The following ARHGAP24 variants were observed in gnomAD, a reference collection of about 807,000 sequenced individuals.
ARHGAP24 encodes the protein Rho GTPase activating protein 24, also known as rho GTPase-activating protein 24.
ARHGAP24 carries 50 observed loss-of-function variants against 76.4 expected under a neutral mutation model. The ratio of observed to expected loss-of-function variants is 0.65; its 90% confidence interval spans 0.52 to 0.83. The LOEUF (loss-of-function observed/expected upper bound fraction) is 0.83. ARHGAP24 is among the 40% of genes least tolerant of loss of function. ARHGAP24 has a pLI of 0.00. For synonymous variants in ARHGAP24, 345 were observed against 323.3 expected (o/e 1.07, Z -0.72); for missense variants, 930 against 914.2 (o/e 1.02, Z -0.22).
intron 2 of ARHGAP24, among the ~76,000 whole-genome samples, chr4:85,603,633 A>G (rs987135731): frequency 1.3e-5 from 2 of 152,246 alleles, no homozygotes; most frequent in African/African-American, 4.8e-5. Flanking sequence ...CAGTAGTACA[A>G]TGTGGGTGAC....
At chr4:85,910,930 T>C (rs1006672191) in intron 3 of ARHGAP24, among the ~76,000 whole-genome samples, 4 of 152,112 alleles carry the variant, frequency 2.6e-5, no homozygotes, top group African/African-American at 9.7e-5. Flanking sequence ...GGAATCTGTC[T>C]GCCTCCCACT....
chr4:85,548,982 T>G (rs538025726), intron 1 of ARHGAP24, among the ~76,000 whole-genome samples: 135 of 152,250 alleles, frequency 8.9e-4, no homozygotes, highest in African/African-American at 3.1e-3. Context: ...CATGTTGTTA[T>G]ATGTATATCT....
intron 2 of ARHGAP24, among the ~76,000 whole-genome samples, chr4:85,694,632 G>T (rs2110020620): frequency 6.6e-6 from 1 of 152,188 alleles, no homozygotes; most frequent in Middle Eastern, 3.4e-3. Context: ...TGAAGACACT[G>T]TCCCTGACTT....
intron 2 of ARHGAP24, among the ~76,000 whole-genome samples, chr4:85,687,434 G>A (rs372780435): frequency 8.1e-4 from 123 of 152,106 alleles, no homozygotes; most frequent in Middle Eastern, 6.8e-3. Flanking sequence ...CTCTCTCCCC[G>A]CTTTAGTAGT....
intron 1 of ARHGAP24, among the ~76,000 whole-genome samples, chr4:85,539,143 C>T (rs774230911): frequency 1.4e-4 from 21 of 152,168 alleles, no homozygotes; most frequent in African/African-American, 4.1e-4. Context: ...TGAACCAAAA[C>T]GATTTGGTTT....
chr4:85,931,047 G>A (rs1736303147), intron 4 of ARHGAP24: 1 of 1,606,958 alleles, frequency 6.2e-7, no homozygotes, highest in Non-Finnish European at 8.5e-7. Context: ...GGAAAGGTAG[G>A]TAGATAATAT....
intron 2 of ARHGAP24, among the ~76,000 whole-genome samples, chr4:85,580,252 C>T (rs1470513955): frequency 6.6e-6 from 1 of 151,968 alleles, no homozygotes; most frequent in Non-Finnish European, 1.5e-5. Flanking sequence ...CTGGTGAGAA[C>T]AGGTGAGCAA....
intron 5 of ARHGAP24, among the ~76,000 whole-genome samples, chr4:85,948,088 T>G (rs1474303328): frequency 3.9e-5 from 6 of 152,184 alleles, no homozygotes; most frequent in African/African-American, 1.4e-4. Flanking sequence ...ACATCTCTTA[T>G]TCTATACTTA....
At chr4:85,794,857 A>C (rs1728280859) in intron 3 of ARHGAP24, among the ~76,000 whole-genome samples, 1 of 152,198 alleles carries the variant, frequency 6.6e-6, no homozygotes, top group Non-Finnish European at 1.5e-5. Context: ...AATGAGTAAC[A>C]CTGAGCCTGC....
Position 85,702,257 on chromosome 4 carries a change from C to T in ARHGAP24, c.181-19628C>T, listed in dbSNP as rs116557050. Among the ~76,000 whole-genome samples, 280 of 152,146 alleles carry T rather than the reference C, an allele frequency of 1.8e-3. 3 individuals are homozygous for T. Among genetic ancestry groups the T allele is most frequent in the Middle Eastern group, 6.8e-3 (2 of 294 alleles). ...ACATTCTGTTATGTTTTGGTGAAAA[C>T]GCAGAACAAAATACAGAAGCCAAAC... is the stretch of plus-strand genomic sequence containing the variant. On this transcript the variant is annotated intron_variant, in intron 2 of 9. Transcript: ENST00000395184.
chr4:85,794,945 C>T (rs1301403917), intron 3 of ARHGAP24, among the ~76,000 whole-genome samples: 1 of 152,248 alleles, frequency 6.6e-6, no homozygotes, highest in African/African-American at 2.4e-5. Context: ...AAGGTCCACC[C>T]TCTTGTACCT....
chr4:85,522,205 C>T (rs561524071), intron 1 of ARHGAP24, among the ~76,000 whole-genome samples: 2 of 151,896 alleles, frequency 1.3e-5, no homozygotes, highest in East Asian at 3.9e-4. Context: ...AATAAAGATG[C>T]TTCATTGAAC....
chr4:85,529,010 C>T lies in ARHGAP24; in HGVS notation c.-20-41512C>T, dbSNP rs1280840851. On this transcript the variant is annotated intron_variant, in intron 1 of 9. Coordinates refer to ENST00000395184, the MANE Select transcript of ARHGAP24 (RefSeq NM_001025616.3). ...TCAGTATTGGGATCTGAGACAAATA[C>T]GTAATATCATCTTGACTACTCCTGA... 3.3e-5 allele frequency among the ~76,000 whole-genome samples: 5 copies of T among 151,952 alleles called. No homozygotes were observed. In the East Asian group the frequency reaches 7.7e-4, roughly 23 times the overall value.
intron 3 of ARHGAP24, among the ~76,000 whole-genome samples, chr4:85,764,945 A>G (rs1173105900): frequency 6.6e-6 from 1 of 152,144 alleles, no homozygotes; most frequent in Non-Finnish European, 1.5e-5. Flanking sequence ...GGCATATGTT[A>G]TCATAGAGAA....
At chr4:85,911,916 G>A (rs954995013) in intron 3 of ARHGAP24, among the ~76,000 whole-genome samples, 4 of 152,202 alleles carry the variant, frequency 2.6e-5, no homozygotes, top group Admixed American at 2.6e-4. Flanking sequence ...GAACTTCTAT[G>A]TCTACAGTCA....
intron 3 of ARHGAP24, among the ~76,000 whole-genome samples, chr4:85,795,120 T>C (rs2110098752): frequency 6.6e-6 from 1 of 152,372 alleles, no homozygotes; most frequent in East Asian, 1.9e-4. Flanking sequence ...ACCATGCTTC[T>C]TCCATTCCAT....
intron 1 of ARHGAP24, among the ~76,000 whole-genome samples, chr4:85,503,224 G>C (rs1166429809): frequency 6.6e-6 from 1 of 152,108 alleles, no homozygotes; most frequent in Non-Finnish European, 1.5e-5. Context: ...GGATGATGCT[G>C]GCCTCATAAA....
At chr4:85,496,754 G>A (rs1053293239) in intron 1 of ARHGAP24, among the ~76,000 whole-genome samples, 3 of 152,200 alleles carry the variant, frequency 2.0e-5, no homozygotes, top group African/African-American at 4.8e-5. Flanking sequence ...CACGAGTTTT[G>A]TAGATGTCTA....
chr4:85,643,234 G>GTGTGTGTT (rs1721592505), intron 2 of ARHGAP24, among the ~76,000 whole-genome samples: 2 of 54,610 alleles, frequency 3.7e-5, no homozygotes, highest in African/African-American at 1.2e-4. Flanking sequence ...GTTTTTTTGT[G>GTGTGTGTT]TTTTTTTTTT....
Sources: allele counts gnomAD v4.1 joint callset (sites outside exome capture counted in the v4.1 genomes callset), GRCh38; gene constraint gnomAD v4.1.1; transcripts MANE v1.5; gene names NCBI Gene and HGNC (gene_info 2026-07-23, HGNC 2026-07-21).